LIMD1: variants seen among roughly 807,000 people sequenced by gnomAD.
LIMD1 encodes the protein LIM domain containing 1.
In LIMD1, 23 loss-of-function variants were observed where a neutral mutation model predicts 58.4. The ratio of observed to expected loss-of-function variants is 0.39; its 90% CI spans 0.28 to 0.56. The LOEUF (loss-of-function observed/expected upper bound fraction) is 0.56, where lower values mean the gene tolerates loss of function less well. LIMD1 is among the 20% of genes least tolerant of loss of function. The pLI is 0.57. For missense variants in LIMD1, 838 were observed against 855.5 expected (o/e 0.98, Z 0.25); for synonymous variants, 334 against 345.5 (o/e 0.97, Z 0.37).
intron 2 of LIMD1, among the ~76,000 whole-genome samples, chr3:45,658,906 C>T (rs75251829): frequency 2.1e-3 from 317 of 152,222 alleles, no homozygotes; most frequent in Non-Finnish European, 3.2e-3. Context: ...CACTCATGGG[C>T]AGATTTCCTT....
intron 1 of LIMD1, among the ~76,000 whole-genome samples, chr3:45,605,000 A>T (rs1701454205): frequency 6.6e-6 from 1 of 152,146 alleles, no homozygotes; most frequent in Admixed American, 6.5e-5. Context: ...ACATCTGTTG[A>T]TTTGTGACTG....
intron 1 of LIMD1, among the ~76,000 whole-genome samples, chr3:45,614,011 A>G (rs927378702): frequency 1.3e-5 from 2 of 151,992 alleles, no homozygotes; most frequent in African/African-American, 4.8e-5. Context: ...GCCCTGCTTT[A>G]CTTGTTGCTT....
chr3:45,668,210 C>T lies in LIMD1; in HGVS notation c.1579-84C>T, dbSNP rs554476019. On this transcript the variant is annotated intron_variant, in intron 3 of 7. Transcript: ENST00000273317. ...GAGTGACACATCTTTCTGAGAAATTCCTTATAATCCTCTTGGCTGTTGGGG... is the reference window on the plus strand; with the variant it reads ...GAGTGACACATCTTTCTGAGAAATTTCTTATAATCCTCTTGGCTGTTGGGG... The T allele has an allele frequency of 7.6e-6, 8 of 1,052,540 alleles. No homozygotes were observed. The African/African-American group carries it at 9.4e-5, about 12-fold the overall frequency. 65.2% of individuals were successfully genotyped at this position (1,052,540 alleles called of 1,614,324 possible).
intron 2 of LIMD1, among the ~76,000 whole-genome samples, chr3:45,658,444 A>G (rs542397544): frequency 8.6e-5 from 13 of 150,676 alleles, no homozygotes; most frequent in African/African-American, 2.9e-4. Context: ...TCAGAGCAAT[A>G]CCTGCTCATT....
rs750662483 is a variant in LIMD1 at position 45,677,096 on chromosome 3, G to A, written c.*37G>A. 8 of 1,600,872 alleles carry A rather than the reference G, an allele frequency of 5.0e-6. No individual in the cohort carries two copies. The highest frequency in any genetic ancestry group is 1.8e-4 in the Middle Eastern group (1 of 5,620). ...TGCAGACATCACGGCAGGGGATGAG[G>A]AGCCGGGGTTGCTGCTGCTGCTTCC... is the stretch of plus-strand genomic sequence containing the variant. On this transcript the variant is annotated 3_prime_UTR_variant, in exon 8 of 8. Transcript: ENST00000273317.
At chr3:45,665,820 A>C (rs1697509555) in intron 3 of LIMD1, 103 bp downstream of exon 3, 4 of 956,306 alleles carry the variant, frequency 4.2e-6, no homozygotes, top group Non-Finnish European at 4.9e-6. Flanking sequence ...GCACTGCTGG[A>C]GAGAGGGGCC....
Position 45,594,977 on chromosome 3 carries a change from A to G in LIMD1, c.98A>G (p.Lys33Arg). Residue 33 changes from lysine to arginine, a missense_variant, in exon 1 of 8, where the codon AAG becomes AGG. Transcript: ENST00000273317. ...AAGGATGGGCTCTTCCGAGTGGACA[A>G]GGGTGCAGGCAACAACCCCGAGTTT... ...ASKDGLFRVD[K>R]GAGNNPEFEE... is the part of the protein sequence containing the mutation. 6.2e-6 allele frequency: 10 copies of G among 1,613,994 alleles called. No homozygotes were observed. Among genetic ancestry groups the G allele is most frequent in the Non-Finnish European group, 8.5e-6 (10 of 1,180,032 alleles).
At chr3:45,674,019 C>T (rs572537365) in intron 6 of LIMD1, 186 of 313,808 alleles carry the variant, frequency 5.9e-4, no homozygotes, top group East Asian at 2.7e-3. Context: ...GTCAAACTCC[C>T]TTACTTGATA....
chr3:45,662,745 C>T (rs901754582), intron 2 of LIMD1, among the ~76,000 whole-genome samples: 6 of 151,986 alleles, frequency 3.9e-5, no homozygotes, highest in African/African-American at 1.5e-4. Flanking sequence ...ACCTGTAATC[C>T]CAGCACTTTG....
At chr3:45,609,458 C>G (rs1419605800) in intron 1 of LIMD1, among the ~76,000 whole-genome samples, 1 of 152,320 alleles carries the variant, frequency 6.6e-6, no homozygotes, top group Non-Finnish European at 1.5e-5. Flanking sequence ...GTCCTCTTGC[C>G]TCAGCCTCCC....
intron 2 of LIMD1, among the ~76,000 whole-genome samples, chr3:45,649,145 G>A (rs565039424): frequency 1.3e-5 from 2 of 152,138 alleles, no homozygotes; most frequent in East Asian, 3.9e-4. Flanking sequence ...TCATGTCCAT[G>A]TTTTCTTCTA....
intron 2 of LIMD1, among the ~76,000 whole-genome samples, chr3:45,647,427 A>G (rs1227437508): frequency 6.6e-6 from 1 of 152,212 alleles, no homozygotes; most frequent in Non-Finnish European, 1.5e-5. Flanking sequence ...TTCAAGGACC[A>G]GATGCATAGC....
intron 2 of LIMD1, among the ~76,000 whole-genome samples, chr3:45,640,830 G>A (rs190501778): frequency 6.6e-6 from 1 of 152,338 alleles, no homozygotes; most frequent in Admixed American, 6.5e-5. Flanking sequence ...TGAGGATTCG[G>A]ATTTTGTCAA....
rs1330359340 is a variant in LIMD1 at position 45,682,913 on chromosome 3, C to T, written c.*5854C>T. 6.6e-6 allele frequency: 1 copy of T among 152,284 alleles called. No homozygotes were observed. 9.4% of individuals were successfully genotyped at this position (152,284 alleles called of 1,614,324 possible). ...CTTAAAACAACACAAATATATCATT[C>T]TGTCATCCTGGACACGAGCCAAAGG... On this transcript the variant is annotated 3_prime_UTR_variant, in exon 8 of 8. Transcript: ENST00000273317.
rs7641490 is a variant in LIMD1, at chr3:45,677,573, A to G, written c.*514A>G. ...CTGAGAGCTTCAGTTCTTCTGCAGA[A>G]TGGCTGCAAATTTAATTGCATTAAG... On this transcript the variant is annotated 3_prime_UTR_variant, in exon 8 of 8. Transcript: ENST00000273317. The G allele has an allele frequency of 0.11, 17,020 of 152,738 alleles. 3,006 individuals are homozygous for G. Among genetic ancestry groups the G allele is most frequent in the African/African-American group, 0.38 (15,632 of 41,478 alleles). 9.5% of individuals were successfully genotyped at this position (152,738 alleles called of 1,614,324 possible).
intron 2 of LIMD1, among the ~76,000 whole-genome samples, chr3:45,651,622 C>G (rs1462394951): frequency 6.6e-6 from 1 of 151,776 alleles, no homozygotes; most frequent in Non-Finnish European, 1.5e-5. Context: ...TCAAGTTTGT[C>G]AAAGATCAGA....
At chr3:45,650,197 C>T (rs1227064601) in intron 2 of LIMD1, among the ~76,000 whole-genome samples, 2 of 152,138 alleles carry the variant, frequency 1.3e-5, no homozygotes, top group Admixed American at 6.5e-5. Flanking sequence ...CTTTTCCTCT[C>T]ATTTCATTTT....
At chr3:45,615,322 A>G (rs993290854) in intron 1 of LIMD1, among the ~76,000 whole-genome samples, 1 of 152,176 alleles carries the variant, frequency 6.6e-6, no homozygotes, top group African/African-American at 2.4e-5. Flanking sequence ...TTGTTTTCTC[A>G]TGGTACAGGG....
intron 1 of LIMD1, among the ~76,000 whole-genome samples, chr3:45,612,074 T>G (rs868720897): frequency 1.6e-4 from 24 of 149,442 alleles, no homozygotes; most frequent in Admixed American, 3.3e-4. Context: ...GTGCGCGCTC[T>G]CTCTCTCTCT....
Sources: gnomAD v4.1 joint callset for allele counts (sites outside exome capture counted in the v4.1 genomes callset) on GRCh38, gnomAD v4.1.1 for gene constraint, MANE v1.5 for transcripts, NCBI Gene and HGNC (gene_info 2026-07-23, HGNC 2026-07-21) for gene names.